PTPRB: variants seen among roughly 807,000 people sequenced by gnomAD.
The protein encoded by PTPRB is receptor-type tyrosine-protein phosphatase beta.
In PTPRB, 97 loss-of-function variants were observed where a neutral mutation model predicts 238.1. That is an observed-to-expected ratio of 0.41 (90% CI 0.35 to 0.48). The LOEUF is 0.48. PTPRB is among the 20% of genes least tolerant of loss of function. The pLI, the probability that PTPRB is intolerant of heterozygous loss-of-function variation, is 0.30. For synonymous variants in PTPRB, 970 were observed against 995.4 expected (o/e 0.97, Z 0.48); for missense variants, 2,292 against 2,681.9 (o/e 0.85, Z 3.21).
At chr12:70,579,247 G>A (rs1177648219) in intron 10 of PTPRB, among the ~76,000 whole-genome samples, 1 of 152,154 alleles carries the variant, frequency 6.6e-6, no homozygotes, top group Non-Finnish European at 1.5e-5. Context: ...TTAAAACACA[G>A]AAGCTTAGGG....
chr12:70,539,117 G>C, intron 26 of PTPRB, 103 bp from the exon 27 acceptor site: 1 of 923,062 alleles, frequency 1.1e-6, no homozygotes, highest in Non-Finnish European at 1.7e-6. Flanking sequence ...ATATACACTA[G>C]CTATTGTTTA....
At chr12:70,575,151 T>G (rs1880538515) in intron 11 of PTPRB, among the ~76,000 whole-genome samples, 1 of 152,204 alleles carries the variant, frequency 6.6e-6, no homozygotes, top group African/African-American at 2.4e-5. Flanking sequence ...ACTAGTGCTC[T>G]CGGATACAGC....
At chr12:70,526,530 C>A (rs1220052005) in intron 32 of PTPRB, among the ~76,000 whole-genome samples, 1 of 152,162 alleles carries the variant, frequency 6.6e-6, no homozygotes, top group Non-Finnish European at 1.5e-5. Flanking sequence ...TTAAACAAAT[C>A]AATAAGAAGT....
At chr12:70,617,594 G>A (rs1251435350) in intron 3 of PTPRB, among the ~76,000 whole-genome samples, 2 of 152,138 alleles carry the variant, frequency 1.3e-5, no homozygotes, top group African/African-American at 2.4e-5. Flanking sequence ...TAGTAGCAGC[G>A]GGGTGTCTCC....
intron 20 of PTPRB, among the ~76,000 whole-genome samples, chr12:70,554,156 A>G (rs1455327876): frequency 6.6e-6 from 1 of 152,262 alleles, no homozygotes; most frequent in East Asian, 1.9e-4. Context: ...AACCAGATTT[A>G]GTACAATTAA....
intron 11 of PTPRB, 45 bp downstream of exon 11, chr12:70,576,337 T>G (rs1880681732): frequency 1.9e-6 from 3 of 1,587,796 alleles, no homozygotes; most frequent in Non-Finnish European, 2.6e-6. Flanking sequence ...CTGAGCCACA[T>G]GTGAATTGGT....
chr12:70,539,735 A>G, intron 25 of PTPRB, 29 bp from the exon 26 acceptor site: 2 of 1,597,696 alleles, frequency 1.3e-6, no homozygotes, highest in Non-Finnish European at 1.7e-6. Context: ...CAAACAGAAA[A>G]GAGTTACTGC....
At chr12:70,559,255 A>G (rs1452616424) in intron 18 of PTPRB, 88 bp downstream of exon 18, 1 of 1,380,694 alleles carries the variant, frequency 7.2e-7, no homozygotes, top group Admixed American at 1.7e-5. Flanking sequence ...AAAAATATGG[A>G]TTTAATCCAA....
At position 70,560,403 on chromosome 12, in the gene PTPRB, T is replaced by C. The variant is rs1878338133; in HGVS notation, c.4432+268A>G. Among the ~76,000 whole-genome samples, 1 of 152,166 alleles carries C rather than the reference T, an allele frequency of 6.6e-6. No individual in the cohort carries two copies. The highest frequency in any genetic ancestry group is 2.4e-5 in the African/African-American group (1 of 41,442). On this transcript the variant is annotated intron_variant, in intron 17 of 33. Transcript: ENST00000334414. This position sits in a 1 kb window ranked among gnomAD's most constrained non-coding sequence, Gnocchi z 4.2. The stretch of plus-strand genomic sequence containing the variant: ...GATAGCCACACAGTGATGATGTATA[T>C]GATTATTCCCACTTTGCAGATAAGA...
intron 10 of PTPRB, among the ~76,000 whole-genome samples, chr12:70,579,660 G>GCACTCCA (rs1459350326): frequency 7.2e-6 from 1 of 139,830 alleles, no homozygotes; most frequent in Non-Finnish European, 1.5e-5. Flanking sequence ...TCGTGCCACT[G>GCACTCCA]CACTCCAGCC....
At chr12:70,564,251 C>T (rs1430875472) in intron 15 of PTPRB, among the ~76,000 whole-genome samples, 6 of 152,176 alleles carry the variant, frequency 3.9e-5, no homozygotes, top group Non-Finnish European at 8.8e-5. Context: ...GTGGCTCATG[C>T]CTGTAATCCC....
At chr12:70,614,735 A>C (rs1327130263) in intron 3 of PTPRB, among the ~76,000 whole-genome samples, 1 of 152,218 alleles carries the variant, frequency 6.6e-6, no homozygotes, top group African/African-American at 2.4e-5. Context: ...GAAATGTGTC[A>C]ATTAAAAACA....
chr12:70,560,413 C>T lies in PTPRB; in HGVS notation c.4432+258G>A, dbSNP rs1391491238. Among the ~76,000 whole-genome samples the T allele has an allele frequency of 6.6e-6, 1 of 152,120 alleles. No individual in the cohort carries two copies. Among genetic ancestry groups the T allele is most frequent in the African/African-American group, 2.4e-5 (1 of 41,412 alleles). The stretch of plus-strand genomic sequence containing the variant: ...CAGTGATGATGTATATGATTATTCC[C>T]ACTTTGCAGATAAGAAAACTGAGGC... On this transcript the variant is annotated intron_variant, in intron 17 of 33. Coordinates refer to ENST00000334414, the MANE Select transcript of PTPRB (RefSeq NM_001109754.4). This position sits in a 1 kb window ranked among gnomAD's most constrained non-coding sequence, Gnocchi z 4.2.
intron 18 of PTPRB, chr12:70,559,120 G>A (rs977031326): frequency 3.1e-5 from 19 of 605,366 alleles, no homozygotes; most frequent in African/African-American, 5.6e-5. Flanking sequence ...CAAATAGTAC[G>A]TCCTACCTAA....
chr12:70,552,124 C>A (rs1592453222), intron 21 of PTPRB, among the ~76,000 whole-genome samples: 1 of 152,084 alleles, frequency 6.6e-6, no homozygotes, highest in African/African-American at 2.4e-5. Context: ...TCTCCCTAAA[C>A]TCAGTCATTT....
intron 21 of PTPRB, among the ~76,000 whole-genome samples, chr12:70,551,261 T>C (rs1321073177): frequency 6.6e-6 from 1 of 152,228 alleles, no homozygotes; most frequent in Non-Finnish European, 1.5e-5. Context: ...TTCTCCCTTG[T>C]TCTTCTGAAA....
At chr12:70,575,270 G>C (rs567763157) in intron 11 of PTPRB, among the ~76,000 whole-genome samples, 42 of 152,208 alleles carry the variant, frequency 2.8e-4, no homozygotes, top group Non-Finnish European at 3.5e-4. Context: ...ATCCAAATGA[G>C]GAAACAGGAT....
At chr12:70,623,936 C>T (rs118099761) in intron 2 of PTPRB, among the ~76,000 whole-genome samples, 4,703 of 151,904 alleles carry the variant, frequency 0.031, 99 homozygotes, top group Non-Finnish European at 0.046. Flanking sequence ...AAGAGGAGGG[C>T]GATGAGGGCA....
At chr12:70,617,098 T>C (rs1219386292) in intron 3 of PTPRB, among the ~76,000 whole-genome samples, 2 of 152,236 alleles carry the variant, frequency 1.3e-5, no homozygotes. Flanking sequence ...GGGTTAACTA[T>C]ATGTTCACAA....
Sources: allele counts gnomAD v4.1 joint callset (sites outside exome capture counted in the v4.1 genomes callset), GRCh38; gene constraint gnomAD v4.1.1; non-coding constraint Gnocchi (gnomAD v3.1); transcripts MANE v1.5; gene names NCBI Gene and HGNC (gene_info 2026-07-23, HGNC 2026-07-21).